Variants in SLC39A11 observed in about 807,000 individuals in gnomAD.
SLC39A11 encodes zinc transporter ZIP11.
A neutral mutation model predicts 36.1 loss-of-function variants in SLC39A11; 33 were observed. The observed-to-expected ratio is 0.91, with a 90% CI of 0.69 to 1.22. The LOEUF (loss-of-function observed/expected upper bound fraction) is 1.22, where lower values mean the gene tolerates loss of function less well. Among genes scored for constraint, SLC39A11 ranks in the 50% most tolerant of loss-of-function variants. The pLI, the probability that SLC39A11 is intolerant of heterozygous loss-of-function variation, is 0.00. For synonymous variants in SLC39A11, 166 were observed against 170.3 expected (o/e 0.97, Z 0.20); for missense variants, 432 against 430.3 (o/e 1.00, Z -0.03).
At chr17:72,904,138 A>G (rs943499038) in intron 5 of SLC39A11, among the ~76,000 whole-genome samples, 2 of 152,208 alleles carry the variant, frequency 1.3e-5, no homozygotes, top group Non-Finnish European at 2.9e-5. Context: ...CTCCCTCAAA[A>G]GCGGTGAGCC....
At chr17:72,895,246 G>C (rs1039803546) in intron 5 of SLC39A11, among the ~76,000 whole-genome samples, 1 of 152,100 alleles carries the variant, frequency 6.6e-6, no homozygotes, top group Non-Finnish European at 1.5e-5. Flanking sequence ...TGAGATGTTA[G>C]TGCACAGGAA....
At chr17:72,870,528 T>C (rs531342385) in intron 5 of SLC39A11, among the ~76,000 whole-genome samples, 18 of 152,386 alleles carry the variant, frequency 1.2e-4, no homozygotes, top group African/African-American at 3.6e-4. Context: ...CACTCATCCA[T>C]TTTCAATCTT....
intron 7 of SLC39A11, among the ~76,000 whole-genome samples, chr17:72,703,416 T>C (rs1276890962): frequency 6.6e-6 from 1 of 152,048 alleles, no homozygotes; most frequent in Non-Finnish European, 1.5e-5. Context: ...ACTATTATAA[T>C]AAGGAGACAC....
chr17:72,928,536 G>A (rs1441343399), intron 5 of SLC39A11, among the ~76,000 whole-genome samples: 1 of 152,204 alleles, frequency 6.6e-6, no homozygotes, highest in African/African-American at 2.4e-5. Flanking sequence ...AAACAGAGCA[G>A]TGGGTGGGAA....
At chr17:73,057,541 C>T (rs1191685862) in intron 3 of SLC39A11, among the ~76,000 whole-genome samples, 2 of 152,222 alleles carry the variant, frequency 1.3e-5, no homozygotes, top group Non-Finnish European at 2.9e-5. Flanking sequence ...GCTCTCAGAT[C>T]AACGAGGTCT....
At chr17:72,887,870 A>G (rs147768480) in intron 5 of SLC39A11, among the ~76,000 whole-genome samples, 35 of 152,340 alleles carry the variant, frequency 2.3e-4, no homozygotes, top group South Asian at 6.2e-4. Flanking sequence ...CTAACTAAAT[A>G]CAAACCTAAA....
At chr17:72,719,619 GGAGAA>G (rs2073568088) in intron 7 of SLC39A11, among the ~76,000 whole-genome samples, 1 of 152,214 alleles carries the variant, frequency 6.6e-6, no homozygotes, top group Non-Finnish European at 1.5e-5. Flanking sequence ...CAGTGGGAAC[GGAGAA>G]GAGAAAAGAA....
rs139347390 is a variant in SLC39A11 at position 73,033,759 on chromosome 17, C to A, written c.148-2045G>T. Reference sequence around the variant, plus strand: ...CTAAAAATTACTTAATTATGCCTTGCCTTAAAAAATCATCTGCATCACCCA... The same window carrying A: ...CTAAAAATTACTTAATTATGCCTTGACTTAAAAAATCATCTGCATCACCCA... On this transcript the variant is annotated intron_variant, in intron 3 of 9. Transcript: ENST00000255559. Among the ~76,000 whole-genome samples the A allele has an allele frequency of 2.9e-3, 436 of 152,256 alleles. 7 individuals carry two copies. The South Asian group carries it at 0.041, about 14-fold the overall frequency.
intron 6 of SLC39A11, among the ~76,000 whole-genome samples, chr17:72,831,441 C>G (rs2078282357): frequency 2.0e-5 from 3 of 152,198 alleles, no homozygotes; most frequent in Admixed American, 2.0e-4. Flanking sequence ...TTATTTTATC[C>G]TCAAATCACC....
At chr17:72,666,706 C>T (rs1406113975) in intron 7 of SLC39A11, among the ~76,000 whole-genome samples, 1 of 152,168 alleles carries the variant, frequency 6.6e-6, no homozygotes, top group Non-Finnish European at 1.5e-5. Flanking sequence ...GAACTGCACG[C>T]CTAATGCAAA....
At chr17:73,050,934 G>A (rs374468539) in intron 3 of SLC39A11, among the ~76,000 whole-genome samples, 5 of 117,706 alleles carry the variant, frequency 4.2e-5, no homozygotes, top group African/African-American at 1.3e-4. Context: ...TGGAGGGAGG[G>A]ATTACAGGGC....
At chr17:72,677,062 T>C (rs2071295171) in intron 7 of SLC39A11, among the ~76,000 whole-genome samples, 1 of 152,194 alleles carries the variant, frequency 6.6e-6, no homozygotes, top group Non-Finnish European at 1.5e-5. Context: ...TGTGAGTCCT[T>C]GTAAAATCAC....
intron 3 of SLC39A11, among the ~76,000 whole-genome samples, chr17:73,040,520 A>C (rs1439974948): frequency 6.6e-6 from 1 of 152,252 alleles, no homozygotes; most frequent in East Asian, 1.9e-4. Flanking sequence ...GGGAATAGTA[A>C]CAAACAAATG....
intron 6 of SLC39A11, among the ~76,000 whole-genome samples, chr17:72,841,345 C>G (rs1229662473): frequency 2.0e-5 from 3 of 152,170 alleles, no homozygotes; most frequent in African/African-American, 4.8e-5. Context: ...TACATACACA[C>G]AATGGCGTAT....
rs373935167 is a variant in SLC39A11, at chr17:73,078,240, G to GAAA, written c.147+6565_147+6567dup. Among the ~76,000 whole-genome samples the GAAA allele has an allele frequency of 4.1e-3, 469 of 114,752 alleles. 5 individuals carry two copies. Among genetic ancestry groups the GAAA allele is most frequent in the African/African-American group, 0.013 (393 of 30,416 alleles). 75.3% of individuals were successfully genotyped at this position (114,752 alleles called of 152,430 possible). ...GTGACAGAGCAAGACTCCGTCTCAG[G>GAAA]AAAAAAAAAAAAAAAAAGAACTTTG... On this transcript the variant is annotated intron_variant, in intron 3 of 9. Coordinates refer to ENST00000255559, the MANE Select transcript of SLC39A11 (RefSeq NM_139177.4).
At chr17:72,945,656 G>T (rs1241527734) in intron 5 of SLC39A11, among the ~76,000 whole-genome samples, 1 of 152,202 alleles carries the variant, frequency 6.6e-6, no homozygotes, top group East Asian at 1.9e-4. Flanking sequence ...TACAAGGGTT[G>T]CTTGGTAACC....
At chr17:72,817,352 GGGAGGA>G (rs71154922) in intron 6 of SLC39A11, among the ~76,000 whole-genome samples, 279 of 142,314 alleles carry the variant, frequency 2.0e-3, no homozygotes, top group Middle Eastern at 0.011. Context: ...AAGGGGGAGG[GGGAGGA>G]GGAGGAGGAG....
intron 3 of SLC39A11, chr17:73,068,140 G>T: frequency 1.5e-6 from 2 of 1,323,942 alleles, no homozygotes; most frequent in Non-Finnish European, 2.2e-6. Context: ...TTTTCTTGGT[G>T]TCGCCAGCAG....
chr17:72,787,326 C>T (rs1352667671), intron 6 of SLC39A11, among the ~76,000 whole-genome samples: 1 of 133,622 alleles, frequency 7.5e-6, no homozygotes, highest in Non-Finnish European at 1.5e-5. Flanking sequence ...GGCGCAATCT[C>T]GGCTCACTGC....
Sources: gnomAD v4.1 joint callset for allele counts (sites outside exome capture counted in the v4.1 genomes callset) on GRCh38, gnomAD v4.1.1 for gene constraint, MANE v1.5 for transcripts, NCBI Gene and HGNC (gene_info 2026-07-23, HGNC 2026-07-21) for gene names.